Variants in IPO7 observed in about 807,000 individuals in gnomAD.
IPO7 encodes the protein importin 7.
In IPO7, 13 loss-of-function variants were observed where a neutral mutation model predicts 136.4. That is an observed-to-expected ratio of 0.10 (90% CI 0.06 to 0.15). The LOEUF is 0.15. Among genes scored for constraint, IPO7 ranks in the 10% least tolerant of loss-of-function variants. IPO7 has a pLI of 1.00. For synonymous variants in IPO7, 403 were observed against 404.4 expected (o/e 1.00, Z 0.04); for missense variants, 857 against 1,240.6 (o/e 0.69, Z 4.65).
chr11:9,445,044 C>A, intron 24 of IPO7, 53 bp from the exon 25 acceptor site: 1 of 1,122,468 alleles, frequency 8.9e-7, no homozygotes, highest in Non-Finnish European at 1.4e-6. Context: ...GTCAGTTTCT[C>A]ACCAAGTTAG....
intron 4 of IPO7, among the ~76,000 whole-genome samples, chr11:9,413,177 C>A (rs960891841): frequency 3.9e-5 from 6 of 152,022 alleles, no homozygotes; most frequent in Non-Finnish European, 8.8e-5. Flanking sequence ...CGCGCCCGGC[C>A]CCCAACAGAC....
In IPO7 at chr11:9,423,250, T is replaced by G. The variant is rs549227099; in HGVS notation, c.1041+110T>G. 48 of 628,674 alleles carry G rather than the reference T, an allele frequency of 7.6e-5. 1 individual carries two copies. The South Asian group carries it at 1.4e-3, about 18-fold the overall frequency. The allele number at this position is 628,674 out of a possible 1,614,324, so 38.9% of individuals were successfully genotyped here. ...TGTTGAGTTGTGTTACTTAGACTAC[T>G]TCTGGTGATTGTTTTGAGAGTATAG... On this transcript the variant is annotated intron_variant, in intron 9 of 24. Transcript: ENST00000379719.
chr11:9,423,757 T>C lies in IPO7; in HGVS notation c.1042-20T>C. 1 of 1,473,254 alleles carries C rather than the reference T, an allele frequency of 6.8e-7. No individual in the cohort carries two copies. Among genetic ancestry groups the C allele is most frequent in the Non-Finnish European group, 9.3e-7 (1 of 1,073,792 alleles). The allele number at this position is 1,473,254 out of a possible 1,614,324, so 91.3% of individuals were successfully genotyped here. On this transcript the variant is annotated intron_variant, in intron 9 of 24. Coordinates refer to ENST00000379719, the MANE Select transcript of IPO7 (RefSeq NM_006391.3). ...ATTTGAAAACTGATGGTTATTGTTT[T>C]CTTAACTTTTAAATTGCAGGGCATT...
At chr11:9,393,833 A>G (rs1854671786) in intron 1 of IPO7, among the ~76,000 whole-genome samples, 1 of 152,188 alleles carries the variant, frequency 6.6e-6, no homozygotes, top group African/African-American at 2.4e-5. Flanking sequence ...TTTCTGGGAA[A>G]ATGCATTAAA....
At chr11:9,393,309 C>T (rs1012288702) in intron 1 of IPO7, among the ~76,000 whole-genome samples, 4 of 152,178 alleles carry the variant, frequency 2.6e-5, no homozygotes, top group African/African-American at 9.7e-5. Context: ...AGATTTTGGG[C>T]ATAAAAGTAA....
chr11:9,437,816 A>T lies in IPO7; in HGVS notation c.2331A>T (p.Glu777Asp). ...ERLTREVKTS[E>D]LRTMCLQVAI... Reference sequence around the variant, plus strand: ...TGACAAGAGAGGTTAAGACAAGTGAACTTCGAACTATGTGTCTGCAAGTTG... The same window carrying T: ...TGACAAGAGAGGTTAAGACAAGTGATCTTCGAACTATGTGTCTGCAAGTTG... The change falls in exon 21 of 25, where the codon GAA becomes GAT. Residue 777 changes from glutamate to aspartate, a missense_variant. By Grantham distance (45) the Glu-to-Asp change is conservative. Around this residue, in one of 11 missense-constraint regions of IPO7, gnomAD observed 190 missense variants for 249.0 expected, o/e 0.76. Coordinates refer to ENST00000379719, the MANE Select transcript of IPO7 (RefSeq NM_006391.3). 6.2e-7 allele frequency: 1 copy of T among 1,614,134 alleles called. No individual in the cohort carries two copies. Among genetic ancestry groups the T allele is most frequent in the Non-Finnish European group, 8.5e-7 (1 of 1,179,996 alleles).
intron 2 of IPO7, among the ~76,000 whole-genome samples, chr11:9,405,250 C>A (rs1036257285): frequency 6.6e-6 from 1 of 152,222 alleles, no homozygotes; most frequent in East Asian, 1.9e-4. Flanking sequence ...TCTCGGCTCA[C>A]TGCAAGCTCC....
At chr11:9,428,762 T>A in intron 13 of IPO7, 133 bp downstream of exon 13, 1 of 789,896 alleles carries the variant, frequency 1.3e-6, no homozygotes, top group Admixed American at 1.7e-5. Context: ...AATGTAAATC[T>A]TTACATGGCT....
intron 6 of IPO7, among the ~76,000 whole-genome samples, chr11:9,419,478 G>A (rs1456935446): frequency 4.0e-5 from 6 of 149,604 alleles, no homozygotes; most frequent in Non-Finnish European, 7.4e-5. Flanking sequence ...AACCAGGGAG[G>A]CAGAGGTTGC....
Position 9,447,016 on chromosome 11 carries a change from T to C in IPO7, c.*1822T>C, listed in dbSNP as rs1408474815. On this transcript the variant is annotated 3_prime_UTR_variant, in exon 25 of 25. Coordinates refer to ENST00000379719, the MANE Select transcript of IPO7 (RefSeq NM_006391.3). Reference sequence around the variant, plus strand: ...GTTGCTTAAAGGGATTTCACTATTATATAAAGTCAATAAAAATGAAGTAGT... The same window carrying C: ...GTTGCTTAAAGGGATTTCACTATTACATAAAGTCAATAAAAATGAAGTAGT... 1.3e-5 allele frequency: 2 copies of C among 152,172 alleles called. No individual in the cohort carries two copies. The highest frequency in any genetic ancestry group is 4.8e-5 in the African/African-American group (2 of 41,446). 9.4% of individuals were successfully genotyped at this position (152,172 alleles called of 1,614,324 possible).
rs1042896242 is a variant in IPO7 at position 9,445,391 on chromosome 11, G to T, written c.*197G>T. On this transcript the variant is annotated 3_prime_UTR_variant, in exon 25 of 25. Transcript: ENST00000379719. ...GAAATCAGCGGGATTTTGGGGGTGGGGGGGGATGGGAGGTACCTTAGAGGG... is the reference window on the plus strand; with the variant it reads ...GAAATCAGCGGGATTTTGGGGGTGGTGGGGGATGGGAGGTACCTTAGAGGG... 7.8e-6 allele frequency: 3 copies of T among 384,020 alleles called. 1 individual carries two copies. Among genetic ancestry groups the T allele is most frequent in the East Asian group, 7.7e-5 (2 of 26,040 alleles). The allele number at this position is 384,020 out of a possible 1,614,324, so 23.8% of individuals were successfully genotyped here.
At chr11:9,417,309 A>G (rs1855054724) in intron 6 of IPO7, among the ~76,000 whole-genome samples, 161 bp downstream of exon 6, 1 of 152,030 alleles carries the variant, frequency 6.6e-6, no homozygotes. Flanking sequence ...TTATATATGC[A>G]TTACATCTGT....
At chr11:9,404,558 T>C (rs936693806) in intron 2 of IPO7, among the ~76,000 whole-genome samples, 8 of 145,620 alleles carry the variant, frequency 5.5e-5, no homozygotes, top group African/African-American at 2.0e-4. Context: ...AGTTCCGGTC[T>C]TCGGATTTTT....
At chr11:9,433,460 T>A in intron 16 of IPO7, 110 bp from the exon 17 acceptor site, 1 of 689,724 alleles carries the variant, frequency 1.4e-6, no homozygotes, top group Non-Finnish European at 2.4e-6. Flanking sequence ...AGACTTATTT[T>A]TTTCACAATA....
At position 9,430,627 on chromosome 11, in the gene IPO7, C is replaced by T. The variant is rs1161493532; in HGVS notation, c.1753-248C>T. 2.9e-5 allele frequency: 12 copies of T among 420,880 alleles called. No individual in the cohort carries two copies. In the East Asian group the frequency reaches 2.9e-4, roughly 10 times the overall value. 26.1% of individuals were successfully genotyped at this position (420,880 alleles called of 1,614,324 possible). A position where few individuals can be genotyped will look rare whatever the true frequency, so the allele number is the denominator to read the frequency against. The stretch of plus-strand genomic sequence containing the variant: ...TACCTTGCCTCATTTAGTCCTCGTA[C>T]GGTGTCTATGAAATCCCCGAAGTGG... On this transcript the variant is annotated intron_variant, in intron 15 of 24. Coordinates refer to ENST00000379719, the MANE Select transcript of IPO7 (RefSeq NM_006391.3).
intron 1 of IPO7, among the ~76,000 whole-genome samples, chr11:9,385,866 T>C (rs1420950255): frequency 1.3e-5 from 2 of 152,256 alleles, no homozygotes; most frequent in African/African-American, 2.4e-5. Flanking sequence ...GTATTTTAAA[T>C]CCTTCTTAAA....
chr11:9,398,478 G>A (rs1178349061), intron 1 of IPO7, among the ~76,000 whole-genome samples: 2 of 152,222 alleles, frequency 1.3e-5, no homozygotes, highest in Non-Finnish European at 2.9e-5. Context: ...CAAAGAATGC[G>A]AAGCTGTGAA....
In IPO7 at chr11:9,414,343, T is replaced by G; in HGVS notation, c.568T>G (p.Ser190Ala). 3 of 1,612,620 alleles carry G rather than the reference T, an allele frequency of 1.9e-6. No individual in the cohort carries two copies. The highest frequency in any genetic ancestry group is 2.5e-6 in the Non-Finnish European group (3 of 1,178,710). Reference sequence around the variant, plus strand: ...AAAGGATCGTTTTATCCAGCTTCTTTCTGACCAGTCTGATCAGTCTGTCCT... The same window carrying G: ...AAAGGATCGTTTTATCCAGCTTCTTGCTGACCAGTCTGATCAGTCTGTCCT... ...VLKDRFIQLL[S>A]DQSDQSVLIQ... is the part of the protein sequence containing the mutation. Residue 190 changes from serine to alanine, a missense_variant, in exon 5 of 25, where the codon TCT becomes GCT. This residue lies in a region of IPO7 where 287 missense variants were observed against 307.5 expected (regional missense o/e 0.93). Transcript: ENST00000379719.
intron 3 of IPO7, 65 bp downstream of exon 3, chr11:9,408,704 G>GTT (rs377057603): frequency 0.045 from 7,804 of 172,668 alleles, 640 homozygotes; most frequent in African/African-American, 0.082. Context: ...TTGTTTTTTG[G>GTT]TTTTTTTTTT....
Sources: allele counts gnomAD v4.1 joint callset (sites outside exome capture counted in the v4.1 genomes callset), GRCh38; gene constraint gnomAD v4.1.1; regional missense constraint gnomAD v4.1.1; transcripts MANE v1.5; gene names NCBI Gene and HGNC (gene_info 2026-07-23, HGNC 2026-07-21).